The following RC3H2 variants were observed in gnomAD, a reference collection of about 807,000 sequenced individuals.
RC3H2 encodes the protein ring finger and CCCH-type domains 2.
A neutral mutation model predicts 133.3 loss-of-function variants in RC3H2; 31 were observed. The ratio of observed to expected loss-of-function variants is 0.23; its 90% CI spans 0.17 to 0.31. The LOEUF is 0.31. RC3H2 is among the 10% of genes least tolerant of loss of function. RC3H2 has a pLI of 1.00. For synonymous variants in RC3H2, 517 were observed against 502.2 expected, an observed-to-expected ratio of 1.03 and a Z score of -0.40; for missense variants, 1,175 against 1,437.2, an observed-to-expected ratio of 0.82 and a Z score of 2.95.
rs774367405 is a variant in RC3H2 at position 122,860,006 on chromosome 9, G to T, written c.1760C>A (p.Pro587Gln). 1 of 1,613,964 alleles carries T rather than the reference G, an allele frequency of 6.2e-7. No individual in the cohort carries two copies. Among genetic ancestry groups the T allele is most frequent in the East Asian group, 2.2e-5 (1 of 44,868 alleles). ...GTTTTCAGAATGCGGAGGATATACT[G>T]GTACTCTAGTTAGAAATGGGCTGGA... is the stretch of plus-strand genomic sequence containing the variant. ...QKSSPFLTRV[P>Q]VYPPHSENIQ... Residue 587 changes from proline (P) to glutamine (Q), a missense_variant, in exon 11 of 21, where the codon CCA becomes CAA. Transcript: ENST00000357244.
At chr9:122,857,715 T>C (rs749513389) in intron 13 of RC3H2, among the ~76,000 whole-genome samples, 1 of 152,240 alleles carries the variant, frequency 6.6e-6, no homozygotes, top group Non-Finnish European at 1.5e-5. Flanking sequence ...GATTTTGAAT[T>C]CTTAGTAAAG....
chr9:122,854,640 T>C, intron 15 of RC3H2, 25 bp from the exon 16 acceptor site: 1 of 1,538,582 alleles, frequency 6.5e-7, no homozygotes, highest in South Asian at 1.1e-5. Flanking sequence ...AATGAAACAA[T>C]GGTCAAAAAA....
chr9:122,854,125 C>CT lies in RC3H2; in HGVS notation c.2983-40dup. ...GAAAAAAAGAAAAGTTAGCTTCCAA[C>CT]TATAGCTTTCAACTGTCATTCTATT... On this transcript the variant is annotated intron_variant, in intron 17 of 20. Coordinates refer to ENST00000357244, the MANE Select transcript of RC3H2 (RefSeq NM_001100588.3). The CT allele has an allele frequency of 1.9e-6, 3 of 1,612,210 alleles. No homozygotes were observed. The South Asian group carries it at 3.3e-5, about 18-fold the overall frequency.
intron 2 of RC3H2, among the ~76,000 whole-genome samples, chr9:122,894,829 G>A (rs1349888755): frequency 6.6e-6 from 1 of 152,116 alleles, no homozygotes; most frequent in Non-Finnish European, 1.5e-5. Context: ...GCAGTGAGCC[G>A]AGATTGCGCC....
chr9:122,881,271 G>GT (rs1478292144), intron 5 of RC3H2, among the ~76,000 whole-genome samples: 1 of 152,034 alleles, frequency 6.6e-6, no homozygotes, highest in Non-Finnish European at 1.5e-5. Flanking sequence ...CAGATCACTT[G>GT]AAGTCAGGAG....
At chr9:122,858,579 G>A (rs1442877571) in intron 12 of RC3H2, 90 bp downstream of exon 12, 73 of 1,050,660 alleles carry the variant, frequency 6.9e-5, no homozygotes, top group East Asian at 2.4e-5. Flanking sequence ...CACACAATTA[G>A]TAAGTGGAGG....
At chr9:122,853,873 C>T in intron 18 of RC3H2, 79 bp downstream of exon 18, 9 of 1,613,416 alleles carry the variant, frequency 5.6e-6, no homozygotes, top group South Asian at 4.4e-5. Context: ...CCAAAATGCA[C>T]TCAGTAATGG....
chr9:122,852,918 T>A (rs943086802), intron 18 of RC3H2, among the ~76,000 whole-genome samples: 6 of 152,000 alleles, frequency 3.9e-5, no homozygotes, highest in African/African-American at 1.4e-4. Flanking sequence ...ATGATGACAA[T>A]GGCGGTTTTG....
intron 13 of RC3H2, among the ~76,000 whole-genome samples, chr9:122,857,534 A>G (rs972266460): frequency 1.3e-5 from 2 of 152,182 alleles, no homozygotes; most frequent in African/African-American, 4.8e-5. Flanking sequence ...TAAGATTCCT[A>G]CCCTGTAAAA....
chr9:122,859,684 G>A (rs1830384791), intron 11 of RC3H2, among the ~76,000 whole-genome samples: 1 of 151,976 alleles, frequency 6.6e-6, no homozygotes, highest in Admixed American at 6.6e-5. Context: ...CATTTCAGGG[G>A]ACTTACAGAA....
chr9:122,900,511 T>C (rs1293943625), intron 1 of RC3H2, among the ~76,000 whole-genome samples: 1 of 152,108 alleles, frequency 6.6e-6, no homozygotes, highest in Non-Finnish European at 1.5e-5. Flanking sequence ...ACCTAGAAAA[T>C]ATTTTTGTAA....
intron 18 of RC3H2, among the ~76,000 whole-genome samples, chr9:122,851,810 C>A (rs1250080117): frequency 6.6e-6 from 1 of 152,232 alleles, no homozygotes; most frequent in African/African-American, 2.4e-5. Flanking sequence ...TCAATGGCGC[C>A]CAGGCTGGAG....
intron 9 of RC3H2, among the ~76,000 whole-genome samples, chr9:122,876,429 A>C (rs1159416534): frequency 6.6e-6 from 1 of 151,970 alleles, no homozygotes; most frequent in Non-Finnish European, 1.5e-5. Flanking sequence ...GGAGTTTGAG[A>C]CCCGCCTGGT....
rs745865422 is a variant in RC3H2 at position 122,858,777 on chromosome 9, T to C, written c.2175A>G (p.Ser725=). 1.4e-5 allele frequency: 23 copies of C among 1,614,150 alleles called. No homozygotes were observed. Among genetic ancestry groups the C allele is most frequent in the Middle Eastern group, 1.6e-4 (1 of 6,084 alleles). The change falls in exon 12 of 21, where the codon TCA becomes TCG. Residue 725 remains serine, a synonymous_variant. Transcript: ENST00000357244. ...NSLPPMDVMH[S]SVYQTSLRER... ...CCCGCAAAGATGTCTGATAGACAGA[T>C]GAGTGCATCACATCCATTGGAGGTA...
At position 122,865,476 on chromosome 9, in the gene RC3H2, C is replaced by T. The variant is rs969997782; in HGVS notation, c.1507G>A (p.Val503Ile). The T allele has an allele frequency of 1.2e-6, 2 of 1,614,086 alleles. No individual in the cohort carries two copies. Among genetic ancestry groups the T allele is most frequent in the African/African-American group, 2.7e-5 (2 of 74,936 alleles). Residue 503 changes from valine (V) to isoleucine (I), a missense_variant, in exon 10 of 21, where the codon GTT becomes ATT. Physicochemically the swap from Val to Ile is conservative, Grantham distance 29 (BLOSUM62 3). Transcript: ENST00000357244. ...GTACTACGTGAGATTAGCTGGGAAA[C>T]ACTGTTTTCTGCATTTGAAATTCCG... The part of the protein sequence containing the change: ...TNGISNAENS[V>I]SQLISRSTDS...
chr9:122,854,326 T>C, intron 16 of RC3H2, 60 bp from the exon 17 acceptor site: 1 of 1,402,214 alleles, frequency 7.1e-7, no homozygotes, highest in African/African-American at 1.4e-5. Context: ...ACAAAAGCAG[T>C]AATAACCATA....
chr9:122,862,478 A>G (rs1382357492), intron 10 of RC3H2, among the ~76,000 whole-genome samples: 2 of 152,198 alleles, frequency 1.3e-5, no homozygotes, highest in African/African-American at 4.8e-5. Context: ...GAAATAGCTC[A>G]GGTATCATCA....
At chr9:122,891,903 A>G (rs1832194073) in intron 3 of RC3H2, among the ~76,000 whole-genome samples, 1 of 152,240 alleles carries the variant, frequency 6.6e-6, no homozygotes, top group Admixed American at 6.5e-5. Flanking sequence ...ACACTTGTAC[A>G]TCTATCTCCC....
intron 10 of RC3H2, among the ~76,000 whole-genome samples, chr9:122,860,978 G>GGC (rs1457843595): frequency 1.3e-5 from 2 of 152,124 alleles, no homozygotes; most frequent in African/African-American, 4.8e-5. Flanking sequence ...GAACAGAGTA[G>GGC]GCACTTGGTA....
Sources: allele counts gnomAD v4.1 joint callset (sites outside exome capture counted in the v4.1 genomes callset), GRCh38; gene constraint gnomAD v4.1.1; transcripts MANE v1.5; gene names NCBI Gene and HGNC (gene_info 2026-07-23, HGNC 2026-07-21).